DLC1: variants seen among roughly 807,000 people sequenced by gnomAD.
DLC1 encodes the protein DLC1 Rho GTPase activating protein.
Under a neutral mutation model 140.3 loss-of-function variants are expected in DLC1, and 54 were observed. The ratio of observed to expected loss-of-function variants is 0.38; its 90% CI spans 0.31 to 0.48. DLC1 has a LOEUF of 0.48. DLC1 is among the 20% of genes least tolerant of loss of function. The pLI, the probability that DLC1 is intolerant of heterozygous loss-of-function variation, is 0.96. For synonymous variants in DLC1, 986 were observed against 728.1 expected (o/e 1.35, Z -5.70); for missense variants, 2,536 against 1,907.0 (o/e 1.33, Z -6.14).
rs991998830 is a variant in DLC1 at position 13,146,801 on chromosome 8, A to T, written c.1349-31144T>A. On this transcript the variant is annotated intron_variant, in intron 5 of 17. Coordinates refer to ENST00000276297, the MANE Select transcript of DLC1 (RefSeq NM_182643.3). ...AGAAAGTCACAAGGAAAAGCAAACC[A>T]GGAAATTTAATTTAGAAACCAAAGG... is the stretch of plus-strand genomic sequence containing the variant. 2.0e-5 allele frequency among the ~76,000 whole-genome samples: 3 copies of T among 152,214 alleles called. No individual in the cohort carries two copies. In the South Asian group the frequency reaches 6.2e-4, roughly 32 times the overall value.
chr8:13,405,930 T>TTTCTTTCTTTCC (rs2117272357), intron 2 of DLC1, among the ~76,000 whole-genome samples: 1 of 128,362 alleles, frequency 7.8e-6, no homozygotes, highest in South Asian at 2.6e-4. Flanking sequence ...TCTTTCTTTC[T>TTTCTTTCTTTCC]TTCTTTCTTT....
In DLC1 at chr8:13,099,836, C is replaced by G. The variant is rs1362578538; in HGVS notation, c.2501G>C (p.Gly834Ala). 3.1e-6 allele frequency: 5 copies of G among 1,614,074 alleles called. No homozygotes were observed. Among genetic ancestry groups the G allele is most frequent in the Admixed American group, 1.7e-5 (1 of 59,998 alleles). ...NGSFSPSGNN[G>A]SVNWRTGSFH... ...GCTTCCCGTCCTCCAGTTCACAGAG[C>G]CGTTATTCCCCGAGGGGGAGAAACT... The change falls in exon 9 of 18, where the codon GGC becomes GCC. Residue 834 changes from glycine (G) to alanine (A), a missense_variant. By Grantham distance (60) the Gly-to-Ala change is moderately conservative. Coordinates refer to ENST00000276297, the MANE Select transcript of DLC1 (RefSeq NM_182643.3).
intron 5 of DLC1, among the ~76,000 whole-genome samples, chr8:13,125,373 G>A (rs117665510): frequency 7.9e-5 from 12 of 152,170 alleles, no homozygotes; most frequent in Admixed American, 3.3e-4. Flanking sequence ...GCTTCTGTGC[G>A]TGTCTATAGC....
At chr8:13,191,002 C>A (rs1166933116) in intron 5 of DLC1, among the ~76,000 whole-genome samples, 5 of 150,158 alleles carry the variant, frequency 3.3e-5, no homozygotes, top group African/African-American at 1.2e-4. Flanking sequence ...TGGGGGAGTG[C>A]TGGGGGATTA....
intron 1 of DLC1, among the ~76,000 whole-genome samples, chr8:13,593,703 C>A (rs975101712): frequency 6.6e-6 from 1 of 152,038 alleles, no homozygotes; most frequent in Non-Finnish European, 1.5e-5. Context: ...ACTATGAAAA[C>A]AACCTTATTT....
Position 13,100,496 on chromosome 8 carries a change from G to C in DLC1, c.1841C>G (p.Ala614Gly), listed in dbSNP as rs781298662. 1 of 1,612,466 alleles carries C rather than the reference G, an allele frequency of 6.2e-7. No homozygotes were observed. Among genetic ancestry groups the C allele is most frequent in the African/African-American group, 1.3e-5 (1 of 74,928 alleles). The change falls in exon 9 of 18, where the codon GCC becomes GGC. Residue 614 changes from alanine (A) to glycine (G), a missense_variant. Transcript: ENST00000276297. ...PSHAPPSEDA[A>G]TPRTNSVISV... The stretch of plus-strand genomic sequence containing the variant: ...GATGACGGAGTTAGTCCGGGGGGTG[G>C]CAGCATCCTCGCTGGGGGGCGCGTG...
intron 1 of DLC1, among the ~76,000 whole-genome samples, chr8:13,529,080 A>G (rs1803012980): frequency 6.6e-6 from 1 of 152,234 alleles, no homozygotes; most frequent in Non-Finnish European, 1.5e-5. Flanking sequence ...GATAGAAACC[A>G]AAAAACATAC....
chr8:13,422,704 A>G (rs1335178389), intron 2 of DLC1, among the ~76,000 whole-genome samples: 2 of 152,094 alleles, frequency 1.3e-5, no homozygotes, highest in African/African-American at 4.8e-5. Context: ...TCGAGCAACT[A>G]TTAGATCAAT....
intron 1 of DLC1, among the ~76,000 whole-genome samples, chr8:13,573,469 G>A (rs564251569): frequency 6.6e-6 from 1 of 152,236 alleles, no homozygotes; most frequent in East Asian, 1.9e-4. Flanking sequence ...TAATTGCTAT[G>A]GCTATCACTT....
At chr8:13,096,578 T>A (rs1201527675) in intron 10 of DLC1, among the ~76,000 whole-genome samples, 1 of 149,808 alleles carries the variant, frequency 6.7e-6, no homozygotes, top group Non-Finnish European at 1.5e-5. Context: ...CACATTACGA[T>A]CCCCACCGAG....
intron 1 of DLC1, among the ~76,000 whole-genome samples, chr8:13,535,354 C>T (rs1435686103): frequency 2.0e-5 from 3 of 151,874 alleles, no homozygotes; most frequent in Non-Finnish European, 4.4e-5. Context: ...CAGAAAGAAG[C>T]AATTATAGAT....
intron 2 of DLC1, among the ~76,000 whole-genome samples, chr8:13,416,929 T>C (rs1182746646): frequency 6.6e-6 from 1 of 152,106 alleles, no homozygotes; most frequent in Non-Finnish European, 1.5e-5. Flanking sequence ...TGCCCTCACA[T>C]ATTAAAATCT....
intron 2 of DLC1, among the ~76,000 whole-genome samples, chr8:13,457,728 T>G (rs1405244942): frequency 6.7e-6 from 1 of 149,428 alleles, no homozygotes; most frequent in Non-Finnish European, 1.5e-5. Flanking sequence ...ACACAATCCC[T>G]TCTTTGGAGT....
intron 4 of DLC1, among the ~76,000 whole-genome samples, chr8:13,332,887 T>C (rs571957500): frequency 6.6e-6 from 1 of 152,284 alleles, no homozygotes; most frequent in South Asian, 2.1e-4. Flanking sequence ...ACTGAGTCAC[T>C]GCTGAAATAG....
intron 2 of DLC1, among the ~76,000 whole-genome samples, chr8:13,453,438 G>GTGTATATATATATTTA: frequency 6.0e-5 from 1 of 16,760 alleles, no homozygotes; most frequent in South Asian, 1.9e-3. Flanking sequence ...ATATATATAT[G>GTGTATATATATATTTA]TATATATATA....
At chr8:13,539,173 T>TTGTA (rs759659556) in intron 1 of DLC1, among the ~76,000 whole-genome samples, 1 of 110,390 alleles carries the variant, frequency 9.1e-6, no homozygotes, top group Non-Finnish European at 1.9e-5. Flanking sequence ...GATCTGCAAA[T>TTGTA]TGTATGTATG....
chr8:13,463,404 A>G (rs289529), intron 2 of DLC1, among the ~76,000 whole-genome samples: 67,623 of 151,918 alleles, frequency 0.45, 15,207 homozygotes, highest in South Asian at 0.47. Context: ...TAGGACATGG[A>G]GTACTTTCTT....
chr8:13,500,024 G>C lies in DLC1; in HGVS notation c.48C>G (p.His16Gln). Residue 16 changes from histidine (H) to glutamine (Q), a missense_variant, in exon 2 of 18, where the codon CAC becomes CAG. By Grantham distance (24) the His-to-Gln change is conservative (BLOSUM62 0). Transcript: ENST00000276297. Reference protein sequence around the residue: ...RKRSWEEHVTHWMGQPFNSDD... With the variant: ...RKRSWEEHVTQWMGQPFNSDD... ...CAGAATTAAAAGGCTGTCCCATCCA[G>C]TGGGTCACATGTTCTTCCCAGCTTC... 1 of 1,614,070 alleles carries C rather than the reference G, an allele frequency of 6.2e-7. No individual in the cohort carries two copies. The highest frequency in any genetic ancestry group is 8.5e-7 in the Non-Finnish European group (1 of 1,179,962).
intron 4 of DLC1, among the ~76,000 whole-genome samples, chr8:13,321,064 A>G (rs140649866): frequency 0.012 from 1,832 of 152,254 alleles, 24 homozygotes; most frequent in Middle Eastern, 0.031. Flanking sequence ...AATTTTCTGT[A>G]TAAATTACTC....
Sources: gnomAD v4.1 joint callset for allele counts (sites outside exome capture counted in the v4.1 genomes callset) on GRCh38, gnomAD v4.1.1 for gene constraint, MANE v1.5 for transcripts, NCBI Gene and HGNC (gene_info 2026-07-23, HGNC 2026-07-21) for gene names.